Variants in DPP10 observed in about 807,000 individuals in gnomAD.
The protein encoded by DPP10 is inactive dipeptidyl peptidase 10.
A neutral mutation model predicts 120.9 loss-of-function variants in DPP10; 33 were observed. The observed-to-expected ratio is 0.27, with a 90% CI of 0.21 to 0.37. The LOEUF (loss-of-function observed/expected upper bound fraction) is 0.37, where lower values mean the gene tolerates loss of function less well. DPP10 is among the 10% of genes least tolerant of loss of function. The pLI is 1.00. For synonymous variants in DPP10, 337 were observed against 326.1 expected, an observed-to-expected ratio of 1.03 and a Z score of -0.36; for missense variants, 816 against 942.8, an observed-to-expected ratio of 0.87 and a Z score of 1.76.
intron 8 of DPP10, among the ~76,000 whole-genome samples, chr2:115,729,213 T>C (rs2092839042): frequency 6.6e-6 from 1 of 152,206 alleles, no homozygotes; most frequent in African/African-American, 2.4e-5. Context: ...GGGATGGCCC[T>C]CAGAATTTAA....
intron 1 of DPP10, among the ~76,000 whole-genome samples, chr2:114,977,578 G>A (rs898306443): frequency 1.3e-5 from 2 of 152,068 alleles, no homozygotes; most frequent in Non-Finnish European, 2.9e-5. Context: ...TCCTAGACAG[G>A]TAGGGGTTCT....
intron 1 of DPP10, among the ~76,000 whole-genome samples, chr2:114,612,584 C>T (rs1693366968): frequency 6.6e-6 from 1 of 152,060 alleles, no homozygotes; most frequent in African/African-American, 2.4e-5. Context: ...GTAAGGCTAT[C>T]CTAAACCTCA....
chr2:114,976,998 T>G (rs994049456), intron 1 of DPP10, among the ~76,000 whole-genome samples: 4 of 152,192 alleles, frequency 2.6e-5, no homozygotes, highest in East Asian at 1.9e-4. Flanking sequence ...ATTAATTCCA[T>G]CTATGCCAGC....
At position 115,700,454 on chromosome 2, in the gene DPP10, G is replaced by A. The variant is rs6707790; in HGVS notation, c.576+10533G>A. Among the ~76,000 whole-genome samples, 454 of 152,172 alleles carry A rather than the reference G, an allele frequency of 3.0e-3. 4 individuals are homozygous for A. Among genetic ancestry groups the A allele is most frequent in the African/African-American group, 0.011 (442 of 41,534 alleles). Reference sequence around the variant, plus strand: ...ACCTCAACATAATAAATGTCATCATGTATGCAAAATGAACGGTGATCATTA... The same window carrying A: ...ACCTCAACATAATAAATGTCATCATATATGCAAAATGAACGGTGATCATTA... On this transcript the variant is annotated intron_variant, in intron 7 of 25. Coordinates refer to ENST00000410059, the MANE Select transcript of DPP10 (RefSeq NM_020868.6).
chr2:114,475,217 AC>A (rs1221304579), intron 1 of DPP10, among the ~76,000 whole-genome samples: 2 of 152,150 alleles, frequency 1.3e-5, no homozygotes, highest in African/African-American at 4.8e-5. Context: ...AAAAACACTT[AC>A]CATGATATCC....
At chr2:115,481,011 C>T (rs1225421825) in intron 3 of DPP10, among the ~76,000 whole-genome samples, 1 of 151,546 alleles carries the variant, frequency 6.6e-6, no homozygotes, top group African/African-American at 2.4e-5. Context: ...AGTATTAGAA[C>T]AATTATATTT....
intron 1 of DPP10, among the ~76,000 whole-genome samples, chr2:114,812,288 G>A (rs1427104944): frequency 3.3e-5 from 5 of 151,986 alleles, no homozygotes; most frequent in Non-Finnish European, 5.9e-5. Context: ...TTAAAATGAC[G>A]GTGTGAATCT....
chr2:115,489,409 T>C (rs1210196312), intron 3 of DPP10, among the ~76,000 whole-genome samples: 1 of 151,954 alleles, frequency 6.6e-6, no homozygotes, highest in Non-Finnish European at 1.5e-5. Context: ...AATTCCTGGC[T>C]GTGATGGGAA....
intron 1 of DPP10, among the ~76,000 whole-genome samples, chr2:114,678,699 T>C (rs1042109309): frequency 7.2e-5 from 11 of 152,002 alleles, no homozygotes; most frequent in Non-Finnish European, 1.5e-4. Flanking sequence ...TCAGTAAACA[T>C]TGGTGGAATT....
intron 1 of DPP10, among the ~76,000 whole-genome samples, chr2:115,268,724 TTTTCCTCTTAATCTTCAA>T (rs2059563931): frequency 6.6e-6 from 1 of 152,230 alleles, no homozygotes; most frequent in South Asian, 2.1e-4. Context: ...TAAAATTTTA[TTTTCCTCTTAATCTTCAA>T]TTTCCATCTT....
At chr2:114,856,894 T>C (rs1284345508) in intron 1 of DPP10, among the ~76,000 whole-genome samples, 1 of 152,240 alleles carries the variant, frequency 6.6e-6, no homozygotes, top group Non-Finnish European at 1.5e-5. Context: ...ATTACAGTGA[T>C]AGTAACTACC....
intron 1 of DPP10, among the ~76,000 whole-genome samples, chr2:115,013,995 T>A (rs1702451182): frequency 6.6e-6 from 1 of 152,248 alleles, no homozygotes; most frequent in Admixed American, 6.5e-5. Flanking sequence ...CAAGCAGACC[T>A]AGTAGACATC....
At chr2:115,226,865 C>G (rs760471273) in intron 1 of DPP10, among the ~76,000 whole-genome samples, 7 of 152,024 alleles carry the variant, frequency 4.6e-5, no homozygotes, top group Non-Finnish European at 7.4e-5. Flanking sequence ...ATTTGTATAA[C>G]CAATTGTAAT....
chr2:115,558,129 C>A (rs560385898), intron 5 of DPP10, among the ~76,000 whole-genome samples: 1 of 152,232 alleles, frequency 6.6e-6, no homozygotes, highest in South Asian at 2.1e-4. Flanking sequence ...TCCTATTTCA[C>A]CCTGAAAACA....
chr2:114,587,744 T>C (rs751703744), intron 1 of DPP10, among the ~76,000 whole-genome samples: 9 of 152,206 alleles, frequency 5.9e-5, no homozygotes, highest in Non-Finnish European at 1.2e-4. Context: ...ACTCTTGCAA[T>C]TTAGAGACAT....
intron 1 of DPP10, among the ~76,000 whole-genome samples, chr2:115,021,220 G>A (rs930998771): frequency 6.6e-6 from 1 of 151,882 alleles, no homozygotes; most frequent in Admixed American, 6.6e-5. Flanking sequence ...AAAGATAAAT[G>A]AAACAAAATC....
At chr2:115,654,728 G>A (rs1448552006) in intron 5 of DPP10, among the ~76,000 whole-genome samples, 5 of 151,770 alleles carry the variant, frequency 3.3e-5, no homozygotes, top group Non-Finnish European at 7.4e-5. Flanking sequence ...AGGACCAATA[G>A]TAGTCTTTAT....
chr2:115,399,479 T>C (rs2067908838), intron 3 of DPP10, among the ~76,000 whole-genome samples: 1 of 152,170 alleles, frequency 6.6e-6, no homozygotes, highest in Non-Finnish European at 1.5e-5. Context: ...TCAGGCTACT[T>C]GATTTGCAGC....
intron 1 of DPP10, among the ~76,000 whole-genome samples, chr2:114,651,851 G>A (rs1445745354): frequency 1.3e-5 from 2 of 152,162 alleles, no homozygotes; most frequent in African/African-American, 2.4e-5. Flanking sequence ...CTTGCTGGGA[G>A]CCTAGGCCAG....
Sources: gnomAD v4.1 joint callset for allele counts (sites outside exome capture counted in the v4.1 genomes callset) on GRCh38, gnomAD v4.1.1 for gene constraint, MANE v1.5 for transcripts, NCBI Gene and HGNC (gene_info 2026-07-23, HGNC 2026-07-21) for gene names.